The following CFI variants were observed in gnomAD, a reference collection of about 807,000 sequenced individuals.
The protein encoded by CFI is complement factor I, also known as C3B/C4B inactivator.
A neutral mutation model predicts 78.8 loss-of-function variants in CFI; 66 were observed. The ratio of observed to expected loss-of-function variants is 0.84; its 90% confidence interval spans 0.69 to 1.03. The LOEUF (loss-of-function observed/expected upper bound fraction) is 1.03. Ranked by LOEUF, CFI falls within the 50% of genes least tolerant of loss-of-function variation. The pLI is 0.00. For synonymous variants in CFI, 250 were observed against 232.6 expected, an observed-to-expected ratio of 1.07 and a Z score of -0.68; for missense variants, 706 against 704.5, an observed-to-expected ratio of 1.00 and a Z score of -0.02.
the CFI span, among the ~76,000 whole-genome samples, chr4:109,733,788 A>G: frequency 6.6e-6 from 1 of 152,236 alleles, no homozygotes; most frequent in African/African-American, 2.4e-5. Flanking sequence ...CAGTCATACC[A>G]TATCCAAGAA....
At chr4:109,791,884 C>A (rs1731428843) in intron 1 of CFI, among the ~76,000 whole-genome samples, 1 of 152,116 alleles carries the variant, frequency 6.6e-6, no homozygotes, top group Non-Finnish European at 1.5e-5. Context: ...TCATTTATCT[C>A]CAAGTATTCA....
intron 1 of CFI, among the ~76,000 whole-genome samples, chr4:109,769,510 G>A (rs763283126): frequency 4.6e-5 from 7 of 152,234 alleles, no homozygotes; most frequent in Non-Finnish European, 8.8e-5. Context: ...GACAGCAGCC[G>A]GGTCTCACCT....
intron 7 of CFI, 150 bp downstream of exon 7, chr4:109,757,613 G>A: frequency 1.8e-6 from 1 of 560,918 alleles, no homozygotes; most frequent in African/African-American, 1.9e-5. Context: ...CTGAGAAAAG[G>A]CCTCTACGCC....
intron 1 of CFI, among the ~76,000 whole-genome samples, chr4:109,799,318 G>A (rs956257226): frequency 1.3e-4 from 20 of 152,176 alleles, no homozygotes; most frequent in African/African-American, 4.8e-4. Flanking sequence ...TTCTGAGCTA[G>A]GTGAAACCAA....
In CFI at chr4:109,773,493, C is replaced by T. The variant is rs138164992; in HGVS notation, c.58-6669G>A. ...ATCGCGCCACTGCACTCCAGCCTGG[C>T]GACAGAGTAAGATTCCGTCTCAAAA... On this transcript the variant is annotated intron_variant, in intron 1 of 12. Coordinates refer to ENST00000394634, the MANE Select transcript of CFI (RefSeq NM_000204.5). Among the ~76,000 whole-genome samples, 612 of 152,158 alleles carry T rather than the reference C, an allele frequency of 4.0e-3. 4 individuals carry two copies. The highest frequency in any genetic ancestry group is 7.3e-3 in the Non-Finnish European group (496 of 67,998).
At chr4:109,793,370 G>A (rs138515266) in intron 1 of CFI, 1 of 152,338 alleles carries the variant, frequency 6.6e-6, no homozygotes, top group East Asian at 1.9e-4. Flanking sequence ...AGGAAAAGAA[G>A]AGATACAAAA....
chr4:109,769,025 T>C (rs1276038664), intron 1 of CFI, among the ~76,000 whole-genome samples: 1 of 152,174 alleles, frequency 6.6e-6, no homozygotes, highest in Admixed American at 6.5e-5. Context: ...TTATTAGAGT[T>C]GGAATTTTTG....
At chr4:109,778,210 G>GATC (rs1729532362) in intron 1 of CFI, among the ~76,000 whole-genome samples, 1 of 152,098 alleles carries the variant, frequency 6.6e-6, no homozygotes, top group African/African-American at 2.4e-5. Context: ...TTTTTGAAAA[G>GATC]ATCAACAAAA....
chr4:109,745,015 T>A (rs6848178), intron 11 of CFI, among the ~76,000 whole-genome samples: 82,235 of 152,056 alleles, frequency 0.54, 23,089 homozygotes, highest in East Asian at 0.86. Flanking sequence ...TCCAGATTAA[T>A]TTCTACATAT....
downstream of CFI, among the ~76,000 whole-genome samples, chr4:109,737,211 C>T (rs1480222944): frequency 1.3e-5 from 2 of 152,110 alleles, no homozygotes; most frequent in Admixed American, 6.5e-5. Context: ...ATGGTCCAAA[C>T]TCTTTGGTAT....
chr4:109,796,754 G>C (rs567987969), intron 1 of CFI, among the ~76,000 whole-genome samples: 1 of 152,334 alleles, frequency 6.6e-6, no homozygotes, highest in East Asian at 1.9e-4. Flanking sequence ...GCTATAATTT[G>C]CCATTGCATT....
intron 1 of CFI, among the ~76,000 whole-genome samples, chr4:109,796,809 A>G (rs1345152847): frequency 6.6e-6 from 1 of 152,196 alleles, no homozygotes; most frequent in Non-Finnish European, 1.5e-5. Context: ...ACAAAACAAA[A>G]CAATCTCATT....
intron 1 of CFI, among the ~76,000 whole-genome samples, chr4:109,769,952 G>A (rs1430281675): frequency 6.6e-6 from 1 of 152,112 alleles, no homozygotes; most frequent in Non-Finnish European, 1.5e-5. Flanking sequence ...AGACTTCAGG[G>A]AACACATGTC....
intron 1 of CFI, among the ~76,000 whole-genome samples, chr4:109,800,222 A>C (rs1732591648): frequency 6.6e-6 from 1 of 151,972 alleles, no homozygotes; most frequent in Admixed American, 6.6e-5. Flanking sequence ...GTTTGTAATA[A>C]AATTTTAGGG....
chr4:109,765,937 T>C (rs574860205), intron 2 of CFI, among the ~76,000 whole-genome samples: 215 of 151,994 alleles, frequency 1.4e-3, no homozygotes, highest in Non-Finnish European at 2.4e-3. Flanking sequence ...GCTAACACGG[T>C]GAAACTCCAT....
chr4:109,773,193 T>C (rs1728802711), intron 1 of CFI, among the ~76,000 whole-genome samples: 1 of 152,180 alleles, frequency 6.6e-6, no homozygotes, highest in South Asian at 2.1e-4. Context: ...ATGGGTTCCC[T>C]ACAGAGTCAC....
At position 109,756,959 on chromosome 4, in the gene CFI, AAGAAAG is replaced by A. The variant is rs1178524564; in HGVS notation, c.904+798_904+803del. 1.2e-4 allele frequency among the ~76,000 whole-genome samples: 17 copies of A among 140,036 alleles called. 1 individual carries two copies. The highest frequency in any genetic ancestry group is 4.5e-4 in the African/African-American group (17 of 37,432). The allele number at this position is 140,036 out of a possible 152,430, so 91.9% of individuals were successfully genotyped here. On this transcript the variant is annotated intron_variant, in intron 7 of 12. Transcript: ENST00000394634. ...AAAGAAAGAAAGAAAGAAAGAAAGA[AAGAAAG>A]AAAGAAAGAAAGAAATTCTGAGGAG...
At chr4:109,769,575 T>C (rs1221560034) in intron 1 of CFI, among the ~76,000 whole-genome samples, 1 of 152,134 alleles carries the variant, frequency 6.6e-6, no homozygotes, top group Non-Finnish European at 1.5e-5. Flanking sequence ...GCCAACTCTC[T>C]CATGCGGGGT....
intron 2 of CFI, among the ~76,000 whole-genome samples, chr4:109,765,585 T>C (rs972277256): frequency 2.6e-5 from 4 of 152,140 alleles, no homozygotes; most frequent in Admixed American, 6.5e-5. Flanking sequence ...TGAAACTCAA[T>C]TGGACTGACA....
Sources: allele counts gnomAD v4.1 joint callset (sites outside exome capture counted in the v4.1 genomes callset), GRCh38; gene constraint gnomAD v4.1.1; transcripts MANE v1.5; gene names NCBI Gene and HGNC (gene_info 2026-07-23, HGNC 2026-07-21).